Variants in WDFY4 observed in about 807,000 individuals in gnomAD.
WDFY4 encodes WDFY family member 4, also known as WD repeat- and FYVE domain-containing protein 4.
A neutral mutation model predicts 351.9 loss-of-function variants in WDFY4; 169 were observed. The ratio of observed to expected loss-of-function variants is 0.48; its 90% CI spans 0.42 to 0.55. WDFY4 has a LOEUF of 0.55. WDFY4 is among the 20% of genes least tolerant of loss of function. The pLI, the probability that WDFY4 is intolerant of heterozygous loss-of-function variation, is 0.00. For synonymous variants in WDFY4, 1,622 were observed against 1,574.6 expected (o/e 1.03, Z -0.71); for missense variants, 3,803 against 3,935.6 (o/e 0.97, Z 0.90).
intron 42 of WDFY4, among the ~76,000 whole-genome samples, chr10:48,876,362 A>T (rs535851420): frequency 1.3e-5 from 2 of 152,332 alleles, no homozygotes; most frequent in Non-Finnish European, 2.9e-5. Flanking sequence ...TTCAGATTCT[A>T]CCTCTAGTTC....
chr10:48,978,370 C>A lies in WDFY4; in HGVS notation c.9353C>A (p.Pro3118Gln), dbSNP rs2292584. The change falls in exon 60 of 62, where the codon CCG becomes CAG. Residue 3118 changes from proline to glutamine, a missense_variant. By Grantham distance (76) the Pro-to-Gln change is moderately conservative. Coordinates refer to ENST00000325239, the MANE Select transcript of WDFY4 (RefSeq NM_001394531.1). ...VPGRPAGEEP[P>Q]AQPPSPRGHK... ...GGACGGCCAGCAGGAGAGGAGCCCCCGGCTCAGCCTCCAAGCCCAAGAGGT... is the reference window on the plus strand; with the variant it reads ...GGACGGCCAGCAGGAGAGGAGCCCCAGGCTCAGCCTCCAAGCCCAAGAGGT... The A allele has an allele frequency of 1.1e-4, 172 of 1,550,988 alleles. No homozygotes were observed. The African/African-American group carries it at 1.5e-3, about 14-fold the overall frequency.
At chr10:48,828,233 T>G (rs758140630) in intron 36 of WDFY4, among the ~76,000 whole-genome samples, 71 of 152,216 alleles carry the variant, frequency 4.7e-4, no homozygotes, top group Non-Finnish European at 8.1e-4. Flanking sequence ...GTGTCCCCAC[T>G]TACAACTGGC....
At chr10:48,830,604 G>A (rs1052310962) in intron 37 of WDFY4, 96 bp from the exon 38 acceptor site, 56 of 1,337,642 alleles carry the variant, frequency 4.2e-5, no homozygotes, top group Non-Finnish European at 5.1e-5. Flanking sequence ...AAGTGAGAAG[G>A]GTGTGGGTAA....
At chr10:48,762,140 T>C (rs1207532740) in intron 13 of WDFY4, among the ~76,000 whole-genome samples, 1 of 152,224 alleles carries the variant, frequency 6.6e-6, no homozygotes, top group Non-Finnish European at 1.5e-5. Flanking sequence ...AAGAAATTGC[T>C]ACTAGTTGGC....
rs1182529680 is a variant in WDFY4 at position 48,823,485 on chromosome 10, C to T, written c.5982+948C>T. The stretch of plus-strand genomic sequence containing the variant: ...TGACTGCAGAGTCACCCACAGACCT[C>T]AGGACTGGGCCTCTTCACAGTTTCT... On this transcript the variant is annotated intron_variant, in intron 35 of 61. Coordinates refer to ENST00000325239, the MANE Select transcript of WDFY4 (RefSeq NM_001394531.1). 2.6e-6 allele frequency: 3 copies of T among 1,171,652 alleles called. No homozygotes were observed. In the Admixed American group the frequency reaches 1.1e-4, roughly 43 times the overall value. The allele number at this position is 1,171,652 out of a possible 1,614,324, so 72.6% of individuals were successfully genotyped here.
intron 23 of WDFY4, among the ~76,000 whole-genome samples, chr10:48,792,922 C>A (rs2066731117): frequency 6.6e-6 from 1 of 152,150 alleles, no homozygotes; most frequent in Non-Finnish European, 1.5e-5. Context: ...GAAATGAGAA[C>A]ATTGCCTTGA....
chr10:48,851,929 C>G (rs1215081952), intron 39 of WDFY4, among the ~76,000 whole-genome samples: 1 of 152,272 alleles, frequency 6.6e-6, no homozygotes, highest in African/African-American at 2.4e-5. Flanking sequence ...ACCCGCTTTG[C>G]CTCCCAAATC....
chr10:48,778,000 C>T (rs369246222), intron 17 of WDFY4, among the ~76,000 whole-genome samples: 6 of 152,310 alleles, frequency 3.9e-5, no homozygotes, highest in South Asian at 4.1e-4. Context: ...GGCTGATGGC[C>T]GTTGAGAATA....
At chr10:48,747,834 G>T (rs551123667) in intron 12 of WDFY4, among the ~76,000 whole-genome samples, 2 of 152,252 alleles carry the variant, frequency 1.3e-5, no homozygotes, top group African/African-American at 4.8e-5. Flanking sequence ...ATCATGGAAG[G>T]TCCCTTGTAT....
intron 1 of WDFY4, among the ~76,000 whole-genome samples, chr10:48,706,185 G>A (rs1248109831): frequency 2.0e-5 from 3 of 152,192 alleles, no homozygotes; most frequent in Non-Finnish European, 4.4e-5. Context: ...AGGTTAATTC[G>A]TTCACGGATT....
At chr10:48,798,048 T>G (rs1364273586) in intron 24 of WDFY4, among the ~76,000 whole-genome samples, 1 of 152,106 alleles carries the variant, frequency 6.6e-6, no homozygotes, top group Non-Finnish European at 1.5e-5. Flanking sequence ...AAGTCGAACT[T>G]GAACCAGAAG....
At chr10:48,813,819 G>A (rs1589672590) in intron 30 of WDFY4, 138 bp from the exon 31 acceptor site, 3 of 1,064,648 alleles carry the variant, frequency 2.8e-6, no homozygotes, top group Non-Finnish European at 3.8e-6. Flanking sequence ...TGTTCCTATG[G>A]ATCAACCACC....
intron 5 of WDFY4, 133 bp from the exon 6 acceptor site, chr10:48,725,748 G>A (rs937305290): frequency 8.2e-6 from 8 of 977,414 alleles, no homozygotes; most frequent in African/African-American, 6.5e-5. Flanking sequence ...GGGACAGAGG[G>A]TGACCCCATT....
At position 48,715,464 on chromosome 10, in the gene WDFY4, A is replaced by C. The variant is rs139647924; in HGVS notation, c.235-4547A>C. On this transcript the variant is annotated intron_variant, in intron 2 of 61. Transcript: ENST00000325239. The stretch of plus-strand genomic sequence containing the variant: ...TGTATTTTGGTGTTTGTGTGTGTGC[A>C]TATGTGCACATTCCTAGGCTGACTA... Among the ~76,000 whole-genome samples the C allele has an allele frequency of 1.6e-3, 238 of 152,324 alleles. 5 individuals are homozygous for C. In the East Asian group the frequency reaches 0.039, roughly 25 times the overall value.
intron 61 of WDFY4, 77 bp downstream of exon 61, chr10:48,981,555 A>G (rs1842806473): frequency 7.2e-7 from 1 of 1,395,186 alleles, no homozygotes; most frequent in African/African-American, 1.4e-5. Flanking sequence ...AGTGGCTCTG[A>G]GTCCAGGCCA....
At chr10:48,936,716 T>C (rs982274621) in intron 47 of WDFY4, among the ~76,000 whole-genome samples, 14 of 150,910 alleles carry the variant, frequency 9.3e-5, no homozygotes, top group African/African-American at 3.4e-4. Flanking sequence ...CAAGCACCTG[T>C]AGTGCCAGCT....
chr10:48,957,064 C>T lies in WDFY4; in HGVS notation c.7978-65C>T, dbSNP rs1841625696. 4.5e-5 allele frequency: 68 copies of T among 1,517,754 alleles called. 2 individuals carry two copies. The highest frequency in any genetic ancestry group is 3.7e-4 in the South Asian group (30 of 81,664). 94.0% of individuals were successfully genotyped at this position (1,517,754 alleles called of 1,614,324 possible). Reference sequence around the variant, plus strand: ...ACCCGTGCCTCTGAGGCAGAATGGACGGTGCCTGGCCAGCAGGAGGGTGCC... The same window carrying T: ...ACCCGTGCCTCTGAGGCAGAATGGATGGTGCCTGGCCAGCAGGAGGGTGCC... On this transcript the variant is annotated intron_variant, in intron 51 of 61. Transcript: ENST00000325239.
Position 48,811,593 on chromosome 10 carries a change from G to A in WDFY4, c.5099G>A (p.Gly1700Glu). Residue 1700 changes from glycine (G) to glutamate (E), a missense_variant, in exon 30 of 62, where the codon GGG becomes GAG. By Grantham distance (98) the Gly-to-Glu change is moderately conservative (BLOSUM62 -2). Transcript: ENST00000325239. ...LPEQSPCLLP[G>E]FRVLNDFLAH... Reference sequence around the variant, plus strand: ...GAGCAAAGCCCATGCCTGCTTCCTGGGTTCCGTGTCTTGAATGACTTTCTG... The same window carrying A: ...GAGCAAAGCCCATGCCTGCTTCCTGAGTTCCGTGTCTTGAATGACTTTCTG... 1 of 1,552,112 alleles carries A rather than the reference G, an allele frequency of 6.4e-7. No homozygotes were observed. The highest frequency in any genetic ancestry group is 8.7e-7 in the Non-Finnish European group (1 of 1,147,098).
chr10:48,718,834 G>C (rs2063989544), intron 2 of WDFY4, among the ~76,000 whole-genome samples: 1 of 152,214 alleles, frequency 6.6e-6, no homozygotes, highest in African/African-American at 2.4e-5. Context: ...TACAGAAATA[G>C]GGAGGGAATT....
Sources: gnomAD v4.1 joint callset for allele counts (sites outside exome capture counted in the v4.1 genomes callset) on GRCh38, gnomAD v4.1.1 for gene constraint, MANE v1.5 for transcripts, NCBI Gene and HGNC (gene_info 2026-07-23, HGNC 2026-07-21) for gene names.